Variants in NIPBL observed in about 807,000 individuals in gnomAD.
The protein encoded by NIPBL is nipped-B-like protein.
Under a neutral mutation model 321.8 loss-of-function variants are expected in NIPBL, and 19 were observed. That is an observed-to-expected ratio of 0.06 (90% confidence interval 0.04 to 0.09). The LOEUF (loss-of-function observed/expected upper bound fraction) is 0.09. Ranked by LOEUF, NIPBL falls within the 10% of genes least tolerant of loss-of-function variation. NIPBL has a pLI of 1.00. For missense variants in NIPBL, 2,210 were observed against 3,327.0 expected, an observed-to-expected ratio of 0.66 and a Z score of 8.26; for synonymous variants, 1,106 against 1,114.1, an observed-to-expected ratio of 0.99 and a Z score of 0.14.
At chr5:36,971,080 T>C in intron 7 of NIPBL, 44 bp downstream of exon 7, 1 of 1,522,554 alleles carries the variant, frequency 6.6e-7, no homozygotes. Flanking sequence ...AGTTCTAATA[T>C]TTGTCATATA....
At chr5:36,897,166 C>T (rs760879409) in intron 1 of NIPBL, among the ~76,000 whole-genome samples, 1 of 151,984 alleles carries the variant, frequency 6.6e-6, no homozygotes, top group African/African-American at 2.4e-5. Context: ...GCACACCTGG[C>T]TAATTTTTTG....
rs774109272 is a variant in NIPBL, at chr5:37,020,499, C to T, written c.5051C>T (p.Thr1684Ile). 1 of 1,613,752 alleles carries T rather than the reference C, an allele frequency of 6.2e-7. No individual in the cohort carries two copies. The highest frequency in any genetic ancestry group is 8.5e-7 in the Non-Finnish European group (1 of 1,179,782). ...KFYIAQWFRD[T>I]TLETEKAMKS... The stretch of plus-strand genomic sequence containing the variant: ...TATATAGCCCAGTGGTTTCGAGACA[C>T]AACTCTGGAAACAGAAAAAGCAATG... Residue 1684 changes from threonine (T) to isoleucine (I), a missense_variant, in exon 26 of 47, where the codon ACA (threonine) becomes ATA (isoleucine). Transcript: ENST00000282516.
At chr5:36,897,981 A>G (rs1746899749) in intron 1 of NIPBL, among the ~76,000 whole-genome samples, 1 of 152,090 alleles carries the variant, frequency 6.6e-6, no homozygotes. Context: ...TGTGATTTAA[A>G]TAAATCTATT....
At position 36,948,429 on chromosome 5, in the gene NIPBL, G is replaced by A. The variant is rs545561560; in HGVS notation, c.-79-5189G>A. Among the ~76,000 whole-genome samples, 20 of 152,050 alleles carry A rather than the reference G, an allele frequency of 1.3e-4. No individual in the cohort carries two copies. In the South Asian group the frequency reaches 4.1e-3, roughly 31 times the overall value. Reference sequence around the variant, plus strand: ...AATGCTTTAGTTATGTTGAAGACAAGATGAAGCAGATTTTTCTGGAAAACA... The same window carrying A: ...AATGCTTTAGTTATGTTGAAGACAAAATGAAGCAGATTTTTCTGGAAAACA... On this transcript the variant is annotated intron_variant, in intron 1 of 46. Coordinates refer to ENST00000282516, the MANE Select transcript of NIPBL (RefSeq NM_133433.4).
Position 37,027,469 on chromosome 5 carries a change from T to G in NIPBL, c.5862+57T>G, listed in dbSNP as rs372605706. On this transcript the variant is annotated intron_variant, in intron 32 of 46. Coordinates refer to ENST00000282516, the MANE Select transcript of NIPBL (RefSeq NM_133433.4). ...AATTTAATAGGTTAGTTTTTTGTTG[T>G]TGGTGTTTTTTTTTTTTTGGACTGT... The G allele has an allele frequency of 3.6e-5, 48 of 1,347,046 alleles. 1 individual carries two copies. The highest frequency in any genetic ancestry group is 3.7e-4 in the Middle Eastern group (2 of 5,454). The allele number at this position is 1,347,046 out of a possible 1,614,324, so 83.4% of individuals were successfully genotyped here. A position where few individuals can be genotyped will look rare whatever the true frequency, so the allele number is the denominator to read the frequency against.
chr5:36,926,740 TAGTA>T (rs1172388937), intron 1 of NIPBL, among the ~76,000 whole-genome samples: 22 of 152,322 alleles, frequency 1.4e-4, no homozygotes, highest in Non-Finnish European at 2.2e-4. Context: ...TGTGGGTACA[TAGTA>T]AGTATATATA....
intron 1 of NIPBL, among the ~76,000 whole-genome samples, chr5:36,943,272 A>T (rs1029880020): frequency 6.6e-6 from 1 of 152,164 alleles, no homozygotes; most frequent in Admixed American, 6.6e-5. Context: ...TGGAAATCAA[A>T]AATTTGTCAA....
intron 45 of NIPBL, 76 bp downstream of exon 45, chr5:37,061,094 G>C: frequency 9.7e-7 from 1 of 1,034,172 alleles, no homozygotes; most frequent in Middle Eastern, 2.3e-4. Flanking sequence ...CCGGTGGGGA[G>C]ATAACTATCT....
At chr5:37,056,208 C>T (rs1326548920) in intron 42 of NIPBL, among the ~76,000 whole-genome samples, 1 of 151,998 alleles carries the variant, frequency 6.6e-6, no homozygotes, top group African/African-American at 2.4e-5. Context: ...GGTGTTGATA[C>T]ATATTGTAAA....
chr5:37,054,220 AAAG>A (rs1388862681), intron 42 of NIPBL, among the ~76,000 whole-genome samples: 2 of 152,068 alleles, frequency 1.3e-5, no homozygotes, highest in Non-Finnish European at 2.9e-5. Context: ...AAAAAGAACA[AAAG>A]AAATACTTTA....
intron 34 of NIPBL, among the ~76,000 whole-genome samples, chr5:37,043,898 T>C (rs530925789): frequency 6.6e-6 from 1 of 152,308 alleles, no homozygotes; most frequent in South Asian, 2.1e-4. Flanking sequence ...GTGGCTCCCA[T>C]TGTGACAACC....
At chr5:36,888,493 A>G (rs1746083681) in intron 1 of NIPBL, among the ~76,000 whole-genome samples, 1 of 152,136 alleles carries the variant, frequency 6.6e-6, no homozygotes, top group Non-Finnish European at 1.5e-5. Context: ...AAGTTAAAGG[A>G]AGGACTTTTG....
rs760921663 is a variant in NIPBL, at chr5:36,958,084, A to T, written c.231-20A>T. ...ATCAGTCACCATTTTAATTTTTGAT[A>T]CTTATTTTCTCAATGCCAGAGAGTT... is the stretch of plus-strand genomic sequence containing the variant. On this transcript the variant is annotated intron_variant, in intron 3 of 46. Coordinates refer to ENST00000282516, the MANE Select transcript of NIPBL (RefSeq NM_133433.4). The T allele has an allele frequency of 1.9e-6, 3 of 1,612,630 alleles. No homozygotes were observed. The highest frequency in any genetic ancestry group is 8.5e-7 in the Non-Finnish European group (1 of 1,178,890).
intron 1 of NIPBL, among the ~76,000 whole-genome samples, chr5:36,947,392 C>T (rs958331496): frequency 6.6e-6 from 1 of 151,996 alleles, no homozygotes; most frequent in African/African-American, 2.4e-5. Context: ...TGCTTCCATC[C>T]TCTGTCTCTT....
chr5:37,057,441 A>G (rs930061724), intron 43 of NIPBL, 109 bp downstream of exon 43: 3 of 1,135,818 alleles, frequency 2.6e-6, no homozygotes, highest in East Asian at 2.4e-5. Context: ...AGTATATAAA[A>G]TCTTTCTAAG....
Position 36,958,226 on chromosome 5 carries a change from A to G in NIPBL, c.353A>G (p.Gln118Arg). The change falls in exon 4 of 47, where the codon CAA (glutamine) becomes CGA (arginine). Residue 118 changes from glutamine (Q) to arginine (R), a missense_variant. Physicochemically the swap from Gln to Arg is conservative, Grantham distance 43 (BLOSUM62 1). Coordinates refer to ENST00000282516, the MANE Select transcript of NIPBL (RefSeq NM_133433.4). Reference sequence around the variant, plus strand: ...AAAAGCATGCAGAACAGATATGTACAAAGTGGTGAGTTTCTTAATAACTGA... The same window carrying G: ...AAAAGCATGCAGAACAGATATGTACGAAGTGGTGAGTTTCTTAATAACTGA... ...REKSMQNRYVQSGMMMSQYKL... is the reference protein window; with the variant it reads ...REKSMQNRYVRSGMMMSQYKL... The G allele has an allele frequency of 6.2e-7, 1 of 1,613,546 alleles. No individual in the cohort carries two copies. Among genetic ancestry groups the G allele is most frequent in the Non-Finnish European group, 8.5e-7 (1 of 1,179,784 alleles).
intron 7 of NIPBL, 45 bp downstream of exon 7, chr5:36,971,081 T>A (rs879865982): frequency 2.0e-6 from 3 of 1,516,056 alleles, no homozygotes; most frequent in Non-Finnish European, 2.7e-6. Context: ...GTTCTAATAT[T>A]TGTCATATAA....
At chr5:36,986,775 TTAAA>T (rs1744856657) in intron 10 of NIPBL, among the ~76,000 whole-genome samples, 1 of 152,214 alleles carries the variant, frequency 6.6e-6, no homozygotes, top group Non-Finnish European at 1.5e-5. Context: ...AGATGGTTAG[TTAAA>T]TATGTTTTAT....
At chr5:36,963,498 T>A (rs879271465) in intron 6 of NIPBL, among the ~76,000 whole-genome samples, 2 of 152,018 alleles carry the variant, frequency 1.3e-5, no homozygotes, top group Non-Finnish European at 2.9e-5. Context: ...GGAAGCAAAT[T>A]TGACACATTT....
Sources: gnomAD v4.1 joint callset for allele counts (sites outside exome capture counted in the v4.1 genomes callset) on GRCh38, gnomAD v4.1.1 for gene constraint, MANE v1.5 for transcripts, NCBI Gene and HGNC (gene_info 2026-07-23, HGNC 2026-07-21) for gene names.